The following ZNF473 variants were observed in gnomAD, a reference collection of about 807,000 sequenced individuals.
ZNF473 encodes the protein zinc finger protein 100 homolog.
A neutral mutation model predicts 11.1 loss-of-function variants in ZNF473; 4 were observed. The ratio of observed to expected loss-of-function variants is 0.36; its 90% CI spans 0.18 to 0.82. The LOEUF is 0.82. Ranked by LOEUF, ZNF473 falls within the 40% of genes least tolerant of loss-of-function variation. The pLI, the probability that ZNF473 is intolerant of heterozygous loss-of-function variation, is 0.49. For synonymous variants in ZNF473, 404 were observed against 390.4 expected (o/e 1.03, Z -0.41); for missense variants, 854 against 1,084.0 (o/e 0.79, Z 2.98).
Position 50,045,551 on chromosome 19 carries a change from G to A in ZNF473, c.1108G>A (p.Ala370Thr), listed in dbSNP as rs772341745. 2.4e-5 allele frequency: 39 copies of A among 1,614,178 alleles called. No individual in the cohort carries two copies. The Admixed American group carries it at 2.7e-4, about 11-fold the overall frequency. Residue 370 changes from alanine (A) to threonine (T), a missense_variant, in exon 5 of 5, where the codon GCT (alanine) becomes ACT (threonine). Coordinates refer to ENST00000270617, the MANE Select transcript of ZNF473 (RefSeq NM_015428.4). ...CCTCATCCAACATCAGAAAACTCACGCTGCAAAAACTACCTCTGAGTGTCA... is the reference window on the plus strand; with the variant it reads ...CCTCATCCAACATCAGAAAACTCACACTGCAAAAACTACCTCTGAGTGTCA... ...KHLIQHQKTH[A>T]AKTTSECQEC...
chr19:50,036,823 C>T (rs1164410020), intron 2 of ZNF473, among the ~76,000 whole-genome samples: 1 of 152,156 alleles, frequency 6.6e-6, no homozygotes, highest in African/African-American at 2.4e-5. Flanking sequence ...ACGACCCTCA[C>T]CAGAGGCAGT....
At position 50,039,172 on chromosome 19, in the gene ZNF473, C is replaced by G; in HGVS notation, c.21C>G (p.Thr7=). 1 of 1,614,042 alleles carries G rather than the reference C, an allele frequency of 6.2e-7. No individual in the cohort carries two copies. Among genetic ancestry groups the G allele is most frequent in the Non-Finnish European group, 8.5e-7 (1 of 1,179,938 alleles). ...GTACTGTGTTTCAGGAATTTGTGAC[C>G]CTCAAGGATGTCGGCATGGACTTCA... MAEEFV[T]LKDVGMDFTL... Residue 7 remains threonine (T), a synonymous_variant, in exon 3 of 5, where the codon ACC becomes ACG. Transcript: ENST00000270617. This position sits in a 1 kb window ranked among gnomAD's most constrained non-coding sequence, Gnocchi z 4.8.
chr19:50,043,500 C>A (rs1022049520), intron 4 of ZNF473: 5 of 147,998 alleles, frequency 3.4e-5, no homozygotes, highest in Non-Finnish European at 7.4e-5. Context: ...AATCCTCAGT[C>A]TTCTGCTCAC....
intron 2 of ZNF473, 111 bp downstream of exon 2, chr19:50,031,202 C>G: frequency 7.0e-7 from 1 of 1,425,430 alleles, no homozygotes. Context: ...TGGTCACCCC[C>G]ATGGCAGGAA....
intron 2 of ZNF473, among the ~76,000 whole-genome samples, chr19:50,038,213 A>G (rs945644272): frequency 6.8e-6 from 1 of 146,828 alleles, no homozygotes; most frequent in African/African-American, 2.5e-5. Context: ...TATATATATA[A>G]TTATATATAA....
chr19:50,039,381 G>A lies in ZNF473; in HGVS notation c.136+94G>A. ...CCACAGGGTGAAGTCCTGGCTCCTG[G>A]GCTCCTCAGAATCAGCATGACCTAG... On this transcript the variant is annotated intron_variant, in intron 3 of 4. Transcript: ENST00000270617. The surrounding 1 kb of genome is among the most constrained non-coding windows in gnomAD (Gnocchi z 4.8). The A allele has an allele frequency of 2.6e-6, 4 of 1,523,778 alleles. No individual in the cohort carries two copies. Among genetic ancestry groups the A allele is most frequent in the Non-Finnish European group, 2.7e-6 (3 of 1,121,366 alleles). 94.4% of individuals were successfully genotyped at this position (1,523,778 alleles called of 1,614,324 possible). A position where few individuals can be genotyped will look rare whatever the true frequency, so the allele number is the denominator to read the frequency against.
Position 50,044,701 on chromosome 19 carries a change from G to T in ZNF473, c.258G>T (p.Met86Ile), listed in dbSNP as rs1456107043. ...CTGAGACCAAGAACTCTCCTCTGAT[G>T]GAGGATTTCTTCGAAGAAGGATTCT... ...DVTETKNSPL[M>I]EDFFEEGFSQ... is the part of the protein sequence containing the mutation. Residue 86 changes from methionine to isoleucine, a missense_variant, in exon 5 of 5, where the codon ATG becomes ATT. Transcript: ENST00000270617. 6.2e-7 allele frequency: 1 copy of T among 1,612,866 alleles called. No homozygotes were observed. Among genetic ancestry groups the T allele is most frequent in the Non-Finnish European group, 8.5e-7 (1 of 1,179,510 alleles).
intron 1 of ZNF473, among the ~76,000 whole-genome samples, chr19:50,027,159 T>G (rs2077288474): frequency 6.6e-6 from 1 of 152,146 alleles, no homozygotes. Context: ...ATTTTATAAT[T>G]AGGCAGCACC....
chr19:50,047,754 A>C lies in ZNF473; in HGVS notation c.*695A>C, dbSNP rs1483816665. 2 of 152,222 alleles carry C rather than the reference A, an allele frequency of 1.3e-5. No homozygotes were observed. Among genetic ancestry groups the C allele is most frequent in the Admixed American group, 1.3e-4 (2 of 15,274 alleles). The allele number at this position is 152,222 out of a possible 1,614,324, so 9.4% of individuals were successfully genotyped here. On this transcript the variant is annotated 3_prime_UTR_variant, in exon 5 of 5. Coordinates refer to ENST00000270617, the MANE Select transcript of ZNF473 (RefSeq NM_015428.4). Reference sequence around the variant, plus strand: ...CCTAACCTCCCAAGCTTCTCACTTAAAGAGGACTCCCTATCCCACAAACAC... The same window carrying C: ...CCTAACCTCCCAAGCTTCTCACTTACAGAGGACTCCCTATCCCACAAACAC...
intron 4 of ZNF473, chr19:50,042,233 C>T (rs1258680532): frequency 1.3e-5 from 2 of 154,060 alleles, no homozygotes; most frequent in African/African-American, 4.8e-5. Flanking sequence ...TGGGGCATAG[C>T]AGATGGCCAC....
At chr19:50,043,672 C>T (rs2122850152) in intron 4 of ZNF473, among the ~76,000 whole-genome samples, 1 of 152,000 alleles carries the variant, frequency 6.6e-6, no homozygotes, top group Non-Finnish European at 1.5e-5. Flanking sequence ...GATGGATGAG[C>T]AGTGGAAGGT....
chr19:50,033,432 TTAAA>T (rs2077327777), intron 2 of ZNF473, among the ~76,000 whole-genome samples: 1 of 151,982 alleles, frequency 6.6e-6, no homozygotes, highest in Admixed American at 6.6e-5. Context: ...GTCTCTGTCT[TTAAA>T]TATGGTGAAT....
intron 2 of ZNF473, among the ~76,000 whole-genome samples, chr19:50,034,846 C>T (rs1406926180): frequency 2.6e-5 from 4 of 152,208 alleles, no homozygotes; most frequent in African/African-American, 9.6e-5. Flanking sequence ...CTTGATTAGA[C>T]TCATGGTCAA....
chr19:50,046,001 T>A lies in ZNF473; in HGVS notation c.1558T>A (p.Cys520Ser). ...TVKTPYECQE[C>S]GERFICGSTL... ...CAAAACCCCATATGAATGTCAGGAGTGCGGAGAACGCTTCATTTGCGGCTC... is the reference window on the plus strand; with the variant it reads ...CAAAACCCCATATGAATGTCAGGAGAGCGGAGAACGCTTCATTTGCGGCTC... Residue 520 changes from cysteine to serine, a missense_variant, in exon 5 of 5, where the codon TGC becomes AGC. Transcript: ENST00000270617. This position sits in a 1 kb window ranked among gnomAD's most constrained non-coding sequence, Gnocchi z 5.9. 6.2e-7 allele frequency: 1 copy of A among 1,614,052 alleles called. No homozygotes were observed. Among genetic ancestry groups the A allele is most frequent in the South Asian group, 1.1e-5 (1 of 91,064 alleles).
chr19:50,046,427 T>G lies in ZNF473; in HGVS notation c.1984T>G (p.Ser662Ala), dbSNP rs10426374. ...GKTFSHSAHLSKHQLIHAGEN... is the reference protein window; with the variant it reads ...GKTFSHSAHLAKHQLIHAGEN... ...GACCTTCAGCCACAGTGCACACCTC[T>G]CAAAACATCAGTTAATTCACGCTGG... Residue 662 changes from serine (S) to alanine (A), a missense_variant, in exon 5 of 5, where the codon TCA (serine) becomes GCA (alanine). Around this residue, in one of 2 missense-constraint regions of ZNF473, gnomAD observed 186 missense variants for 293.8 expected, o/e 0.63. Transcript: ENST00000270617. This position sits in a 1 kb window ranked among gnomAD's most constrained non-coding sequence, Gnocchi z 5.9. 15,905 of 1,614,142 alleles carry G rather than the reference T, an allele frequency of 9.9e-3. 1,358 individuals are homozygous for G. The African/African-American group carries it at 0.19, about 19-fold the overall frequency.
At chr19:50,042,580 T>G (rs539523583) in intron 4 of ZNF473, 8 of 152,408 alleles carry the variant, frequency 5.2e-5, no homozygotes, top group Non-Finnish European at 1.0e-4. Context: ...TGCTTTCTGT[T>G]TCTGTCACCT....
In ZNF473 at chr19:50,041,684, G is replaced by A. The variant is rs372075943; in HGVS notation, c.137-46G>A. The A allele has an allele frequency of 1.9e-5, 29 of 1,519,120 alleles. No homozygotes were observed. In the African/African-American group the frequency reaches 3.1e-4, roughly 16 times the overall value. The allele number at this position is 1,519,120 out of a possible 1,614,324, so 94.1% of individuals were successfully genotyped here. A position where few individuals can be genotyped will look rare whatever the true frequency, so the allele number is the denominator to read the frequency against. Reference sequence around the variant, plus strand: ...GAGGTTCTCACTGAGTGTCTGGATGGTCCTCCATGTCCTGGTTGGGTGACA... The same window carrying A: ...GAGGTTCTCACTGAGTGTCTGGATGATCCTCCATGTCCTGGTTGGGTGACA... On this transcript the variant is annotated intron_variant, in intron 3 of 4. Coordinates refer to ENST00000270617, the MANE Select transcript of ZNF473 (RefSeq NM_015428.4).
At position 50,047,337 on chromosome 19, in the gene ZNF473, T is replaced by TTGG; in HGVS notation, c.*278_*279insTGG. On this transcript the variant is annotated 3_prime_UTR_variant, in exon 5 of 5. Coordinates refer to ENST00000270617, the MANE Select transcript of ZNF473 (RefSeq NM_015428.4). ...ACCTTGGGAAGGTCAGAAAAATCTC[T>TTGG]CAGGGCCTCGGTGTCCTTATCTGTA... 2.7e-6 allele frequency: 1 copy of TTGG among 368,076 alleles called. No individual in the cohort carries two copies. Among genetic ancestry groups the TTGG allele is most frequent in the Non-Finnish European group, 5.0e-6 (1 of 198,084 alleles). 22.8% of individuals were successfully genotyped at this position (368,076 alleles called of 1,614,324 possible).
chr19:50,031,301 T>C (rs927967421), intron 2 of ZNF473, among the ~76,000 whole-genome samples: 7 of 152,210 alleles, frequency 4.6e-5, no homozygotes, highest in African/African-American at 7.2e-5. Context: ...TGTTCTTTCC[T>C]GTTTGTACTC....
Sources: gnomAD v4.1 joint callset for allele counts (sites outside exome capture counted in the v4.1 genomes callset) on GRCh38, gnomAD v4.1.1 for gene constraint, gnomAD v4.1.1 regional missense constraint, Gnocchi (gnomAD v3.1) non-coding constraint, MANE v1.5 for transcripts, NCBI Gene and HGNC (gene_info 2026-07-23, HGNC 2026-07-21) for gene names.